DPF3: variants seen among roughly 807,000 people sequenced by gnomAD.
The protein encoded by DPF3 is double PHD fingers 3.
DPF3 carries 18 observed loss-of-function variants against 56.8 expected under a neutral mutation model. That is an observed-to-expected ratio of 0.32 (90% CI 0.22 to 0.47). The LOEUF (loss-of-function observed/expected upper bound fraction) is 0.47, where lower values mean the gene tolerates loss of function less well. Ranked by LOEUF, DPF3 falls within the 20% of genes least tolerant of loss-of-function variation. The probability of loss-of-function intolerance (pLI) is 1.00; values close to 1 mark genes in which losing one functional copy is unlikely to be tolerated. For synonymous variants in DPF3, 188 were observed against 180.2 expected, an observed-to-expected ratio of 1.04 and a Z score of -0.35; for missense variants, 403 against 488.8, an observed-to-expected ratio of 0.82 and a Z score of 1.65.
intron 7 of DPF3, among the ~76,000 whole-genome samples, chr14:72,675,980 C>T (rs762064742): frequency 6.6e-6 from 1 of 152,182 alleles, no homozygotes; most frequent in Admixed American, 6.5e-5. Context: ...ATTTTCATTG[C>T]CCAAATCCAG....
intron 4 of DPF3, chr14:72,724,248 A>C (rs1334874016): frequency 6.7e-6 from 1 of 148,384 alleles, no homozygotes; most frequent in African/African-American, 2.5e-5. Context: ...TTTTTTTTTA[A>C]GAAAAATAGA....
intron 1 of DPF3, among the ~76,000 whole-genome samples, chr14:72,888,880 G>C (rs1886648479): frequency 6.6e-6 from 1 of 152,176 alleles, no homozygotes; most frequent in Non-Finnish European, 1.5e-5. Context: ...GGATTCTGGT[G>C]CCTCTTTATG....
intron 7 of DPF3, among the ~76,000 whole-genome samples, chr14:72,684,983 C>A (rs1377795253): frequency 6.6e-6 from 1 of 152,180 alleles, no homozygotes; most frequent in East Asian, 1.9e-4. Context: ...AATGAGAAAG[C>A]AGCTATCTGC....
At chr14:72,765,242 G>C (rs1056166813) in intron 2 of DPF3, among the ~76,000 whole-genome samples, 1 of 152,132 alleles carries the variant, frequency 6.6e-6, no homozygotes, top group Non-Finnish European at 1.5e-5. Flanking sequence ...TTTTCAAACT[G>C]ACCACACCAA....
chr14:72,743,399 C>T (rs1396752591), intron 3 of DPF3, among the ~76,000 whole-genome samples: 1 of 152,024 alleles, frequency 6.6e-6, no homozygotes, highest in East Asian at 1.9e-4. Flanking sequence ...CTGGCATCAC[C>T]AGGATCCCCT....
chr14:72,812,434 G>T (rs1883090989), intron 1 of DPF3, among the ~76,000 whole-genome samples: 1 of 152,164 alleles, frequency 6.6e-6, no homozygotes, highest in Non-Finnish European at 1.5e-5. Flanking sequence ...GGGCCAGGAG[G>T]CAGGGTTGGT....
At chr14:72,771,659 A>C in intron 2 of DPF3, 74 bp downstream of exon 2, 2 of 1,521,310 alleles carry the variant, frequency 1.3e-6, no homozygotes, top group East Asian at 2.4e-5. Context: ...CTGGTTTCCC[A>C]GACAAGCTGC....
intron 9 of DPF3, 26 bp from the exon 10 acceptor site, chr14:72,620,010 A>T (rs1222655614): frequency 6.6e-7 from 1 of 1,514,212 alleles, no homozygotes; most frequent in Admixed American, 2.1e-5. Flanking sequence ...GTAAGCACAG[A>T]GGAGGAGAGA....
At chr14:72,739,629 A>G (rs1170764779) in intron 3 of DPF3, among the ~76,000 whole-genome samples, 1 of 152,180 alleles carries the variant, frequency 6.6e-6, no homozygotes, top group Non-Finnish European at 1.5e-5. Flanking sequence ...ACGGAATCTG[A>G]GGCAGGTAAC....
rs563242372 is a variant in DPF3, at chr14:72,681,740, T to C, written c.743-7372A>G. ...CTGAGATGGATATATTTGGTGAGAG[T>C]TGTAATTTGCGGTTTGCCAAAAGGC... On this transcript the variant is annotated intron_variant, in intron 7 of 10. Transcript: ENST00000556509. Among the ~76,000 whole-genome samples, 134 of 152,156 alleles carry C rather than the reference T, an allele frequency of 8.8e-4. 1 individual carries two copies. Among genetic ancestry groups the C allele is most frequent in the African/African-American group, 3.2e-3 (132 of 41,500 alleles).
Position 72,771,850 on chromosome 14 carries a change from T to G in DPF3, c.76A>C (p.Ser26Arg). ...FYKEAIEHCR[S>R]YNSRLCAERS... ...TCTGCACACAGCCGTGAGTTGTAAC[T>G]CCGGCAGTGCTCAATGGCTTCCTTG... The change falls in exon 2 of 11, where the codon AGT becomes CGT. Residue 26 changes from serine to arginine, a missense_variant. Ser to Arg is a moderately radical substitution (Grantham distance 110). Coordinates refer to ENST00000556509, the MANE Select transcript of DPF3 (RefSeq NM_001280542.3). 1 of 1,611,202 alleles carries G rather than the reference T, an allele frequency of 6.2e-7. No individual in the cohort carries two copies.
intron 6 of DPF3, among the ~76,000 whole-genome samples, chr14:72,698,148 T>A (rs923223132): frequency 1.3e-5 from 2 of 152,240 alleles, no homozygotes; most frequent in Non-Finnish European, 2.9e-5. Context: ...TTCCTAGGAC[T>A]AATCACGTGT....
At chr14:72,807,231 C>T (rs1288482283) in intron 1 of DPF3, among the ~76,000 whole-genome samples, 2 of 152,172 alleles carry the variant, frequency 1.3e-5, no homozygotes, top group Non-Finnish European at 1.5e-5. Context: ...CTTACTTATG[C>T]CCTTGGGCAA....
At chr14:72,765,791 C>G (rs1891258991) in intron 2 of DPF3, among the ~76,000 whole-genome samples, 1 of 152,008 alleles carries the variant, frequency 6.6e-6, no homozygotes, top group African/African-American at 2.4e-5. Flanking sequence ...ACTAAAAATA[C>G]AAAAATAATT....
chr14:72,731,711 T>C (rs1322285224), intron 4 of DPF3, 96 bp downstream of exon 4: 28 of 1,537,378 alleles, frequency 1.8e-5, no homozygotes, highest in Non-Finnish European at 2.4e-5. Flanking sequence ...GCCCCGGCCC[T>C]TGAGGGGAGG....
At position 72,715,548 on chromosome 14, in the gene DPF3, G is replaced by A. The variant is rs569988812; in HGVS notation, c.526-1047C>T. ...GCAGCCTGGGGTGCAGGGGAAATGGGGCAGCCCCTGGGGCCTGGCTTGGAA... is the reference window on the plus strand; with the variant it reads ...GCAGCCTGGGGTGCAGGGGAAATGGAGCAGCCCCTGGGGCCTGGCTTGGAA... On this transcript the variant is annotated intron_variant, in intron 5 of 10. Coordinates refer to ENST00000556509, the MANE Select transcript of DPF3 (RefSeq NM_001280542.3). Among the ~76,000 whole-genome samples the A allele has an allele frequency of 1.4e-4, 22 of 152,094 alleles. 2 individuals are homozygous for A. In the South Asian group the frequency reaches 4.1e-3, roughly 29 times the overall value.
chr14:72,674,297 T>TC lies in DPF3; in HGVS notation c.813dup (p.Asn272GlufsTer8). On this transcript the variant is annotated frameshift_variant, in exon 8 of 11. Coordinates refer to ENST00000556509, the MANE Select transcript of DPF3 (RefSeq NM_001280542.3). LOFTEE classifies it high-confidence loss of function. ...TCTTCAGGCCGCCCACTCTTCTTGT[T>TC]CATGTTGGAGCCCCCCAAGCAGAAG... 1 of 1,612,640 alleles carries TC rather than the reference T, an allele frequency of 6.2e-7. No homozygotes were observed. The highest frequency in any genetic ancestry group is 8.5e-7 in the Non-Finnish European group (1 of 1,179,486).
chr14:72,672,359 G>A (rs913495883), intron 8 of DPF3, among the ~76,000 whole-genome samples: 2 of 152,128 alleles, frequency 1.3e-5, no homozygotes, highest in Non-Finnish European at 2.9e-5. Flanking sequence ...GGGAGGGGAA[G>A]GAAGCTCTTC....
At chr14:72,743,038 G>C (rs1326018021) in intron 3 of DPF3, among the ~76,000 whole-genome samples, 1 of 152,166 alleles carries the variant, frequency 6.6e-6, no homozygotes, top group South Asian at 2.1e-4. Context: ...ATGCCCTCTT[G>C]TCTGAGTTTC....
Sources: allele counts gnomAD v4.1 joint callset (sites outside exome capture counted in the v4.1 genomes callset), GRCh38; gene constraint gnomAD v4.1.1; transcripts MANE v1.5; gene names NCBI Gene and HGNC (gene_info 2026-07-23, HGNC 2026-07-21).